Variants in ATRN observed in about 807,000 individuals in gnomAD.
ATRN encodes attractin-2.
A neutral mutation model predicts 178.7 loss-of-function variants in ATRN; 54 were observed. That is an observed-to-expected ratio of 0.30 (90% CI 0.24 to 0.38). The LOEUF is 0.38. ATRN is among the 10% of genes least tolerant of loss of function. ATRN has a pLI of 1.00. For missense variants in ATRN, 1,443 were observed against 1,815.1 expected (o/e 0.79, Z 3.73); for synonymous variants, 636 against 663.0 (o/e 0.96, Z 0.63).
At chr20:3,589,433 GT>G (rs140504710) in intron 18 of ATRN, among the ~76,000 whole-genome samples, 8,145 of 145,956 alleles carry the variant, frequency 0.056, 250 homozygotes, top group Non-Finnish European at 0.078. Flanking sequence ...TATTGTGAGG[GT>G]TTTTTTTTTT....
intron 24 of ATRN, among the ~76,000 whole-genome samples, chr20:3,623,225 C>T (rs1193857148): frequency 2.0e-5 from 3 of 152,084 alleles, no homozygotes; most frequent in Non-Finnish European, 1.5e-5. Context: ...GCTCATATTC[C>T]GCAGCTTTCC....
At chr20:3,564,508 G>A (rs2086002746) in intron 10 of ATRN, among the ~76,000 whole-genome samples, 1 of 152,190 alleles carries the variant, frequency 6.6e-6, no homozygotes, top group African/African-American at 2.4e-5. Flanking sequence ...GCATGGTATA[G>A]CAGCACCAGT....
chr20:3,607,038 CTTTA>C (rs1479145850), intron 24 of ATRN, among the ~76,000 whole-genome samples: 1 of 152,032 alleles, frequency 6.6e-6, no homozygotes, highest in Non-Finnish European at 1.5e-5. Context: ...TGAATTTCCT[CTTTA>C]TTTGATTCCC....
intron 27 of ATRN, among the ~76,000 whole-genome samples, 186 bp from the exon 28 acceptor site, chr20:3,643,968 C>T (rs573113679): frequency 5.9e-5 from 9 of 152,326 alleles, no homozygotes; most frequent in South Asian, 2.1e-4. Flanking sequence ...CAGTACCACC[C>T]GTGTCACTGG....
chr20:3,502,686 G>GAGGC (rs1474240979), intron 1 of ATRN, among the ~76,000 whole-genome samples: 3 of 152,204 alleles, frequency 2.0e-5, no homozygotes, highest in Admixed American at 2.0e-4. Flanking sequence ...CTTTTCCACT[G>GAGGC]AGGCAGGTTG....
chr20:3,480,340 T>C (rs2084602100), intron 1 of ATRN, among the ~76,000 whole-genome samples: 1 of 152,230 alleles, frequency 6.6e-6, no homozygotes, highest in Non-Finnish European at 1.5e-5. Flanking sequence ...TTGCCTTCTT[T>C]TCTGTGTGGC....
rs1046685322 is a variant in ATRN, at chr20:3,638,666, T to C, written c.3943-162T>C. Among the ~76,000 whole-genome samples, 2 of 152,222 alleles carry C rather than the reference T, an allele frequency of 1.3e-5. No individual in the cohort carries two copies. Among genetic ancestry groups the C allele is most frequent in the Non-Finnish European group, 2.9e-5 (2 of 68,042 alleles). ...AATGGTGTTATCACATCCAACAAAATTTAGTAATCCCTAATGTTATCTAAT... is the reference window on the plus strand; with the variant it reads ...AATGGTGTTATCACATCCAACAAAACTTAGTAATCCCTAATGTTATCTAAT... On this transcript the variant is annotated intron_variant, in intron 26 of 28. Coordinates refer to ENST00000262919, the MANE Select transcript of ATRN (RefSeq NM_139321.3). This position sits in a 1 kb window ranked among gnomAD's most constrained non-coding sequence, Gnocchi z 4.5.
rs774134560 is a variant in ATRN, at chr20:3,650,783, G to A, written c.*3936G>A. On this transcript the variant is annotated 3_prime_UTR_variant, in exon 29 of 29. Transcript: ENST00000262919. ...TTTCGTTGAACTAATTCTGGCTCTG[G>A]AAATGTTTTTGTTTTATAGTTATTT... 2.6e-5 allele frequency: 4 copies of A among 152,610 alleles called. No individual in the cohort carries two copies. Among genetic ancestry groups the A allele is most frequent in the Non-Finnish European group, 5.9e-5 (4 of 68,026 alleles). 9.5% of individuals were successfully genotyped at this position (152,610 alleles called of 1,614,324 possible). A position where few individuals can be genotyped will look rare whatever the true frequency, so the allele number is the denominator to read the frequency against.
intron 1 of ATRN, among the ~76,000 whole-genome samples, chr20:3,534,676 G>A (rs185428802): frequency 2.4e-4 from 36 of 152,248 alleles, no homozygotes; most frequent in African/African-American, 8.7e-4. Context: ...TTTTTATATA[G>A]TAACAGATAC....
intron 1 of ATRN, among the ~76,000 whole-genome samples, chr20:3,483,667 T>C (rs958905049): frequency 5.9e-5 from 9 of 152,118 alleles, no homozygotes; most frequent in African/African-American, 2.2e-4. Flanking sequence ...TCTTTACCTA[T>C]CTCTTTTTGC....
intron 19 of ATRN, among the ~76,000 whole-genome samples, chr20:3,592,894 A>G (rs16988735): frequency 0.044 from 6,651 of 152,318 alleles, 166 homozygotes; most frequent in Non-Finnish European, 0.056. Context: ...CTCCTAAGTA[A>G]AAGTTCTTGC....
chr20:3,481,682 GT>G (rs2084623305), intron 1 of ATRN, among the ~76,000 whole-genome samples: 1 of 150,800 alleles, frequency 6.6e-6, no homozygotes, highest in Non-Finnish European at 1.5e-5. Flanking sequence ...GTTTTTTTCA[GT>G]TTGCGTTTTG....
At chr20:3,474,332 G>T (rs1438485952) in intron 1 of ATRN, among the ~76,000 whole-genome samples, 3 of 152,108 alleles carry the variant, frequency 2.0e-5, no homozygotes, top group African/African-American at 7.2e-5. Flanking sequence ...TGGTCCTGAT[G>T]ATACCATTAT....
intron 26 of ATRN, 115 bp downstream of exon 26, chr20:3,634,504 A>C: frequency 1.8e-5 from 16 of 872,216 alleles, no homozygotes; most frequent in Non-Finnish European, 2.7e-5. Context: ...AGACATCTCC[A>C]CGGAAGGAAT....
At chr20:3,478,160 G>C (rs1193830725) in intron 1 of ATRN, among the ~76,000 whole-genome samples, 1 of 152,018 alleles carries the variant, frequency 6.6e-6, no homozygotes, top group African/African-American at 2.4e-5. Flanking sequence ...ACCTGCTTCT[G>C]TTGCACTTTT....
chr20:3,510,709 G>T (rs1336611091), intron 1 of ATRN, among the ~76,000 whole-genome samples: 1 of 151,976 alleles, frequency 6.6e-6, no homozygotes, highest in African/African-American at 2.4e-5. Flanking sequence ...CCATCTGTCT[G>T]ATTTTTTTAA....
intron 4 of ATRN, among the ~76,000 whole-genome samples, chr20:3,546,867 G>C (rs985119139): frequency 1.3e-5 from 2 of 152,144 alleles, no homozygotes. Flanking sequence ...GTAGTTTATT[G>C]TTGGCAGTTT....
intron 8 of ATRN, among the ~76,000 whole-genome samples, chr20:3,561,734 A>G (rs1375767016): frequency 6.6e-6 from 1 of 152,156 alleles, no homozygotes; most frequent in South Asian, 2.1e-4. Flanking sequence ...TTGAGTGAAC[A>G]TTTTATTTAT....
intron 1 of ATRN, among the ~76,000 whole-genome samples, chr20:3,507,604 A>G (rs987296687): frequency 2.0e-5 from 3 of 152,152 alleles, no homozygotes; most frequent in African/African-American, 7.2e-5. Context: ...TAAAGCTGCC[A>G]ATTCAGGAAA....
Sources: allele counts gnomAD v4.1 joint callset (sites outside exome capture counted in the v4.1 genomes callset), GRCh38; gene constraint gnomAD v4.1.1; non-coding constraint Gnocchi (gnomAD v3.1); transcripts MANE v1.5; gene names NCBI Gene and HGNC (gene_info 2026-07-23, HGNC 2026-07-21).